The following ME1 variants were observed in gnomAD, a reference collection of about 807,000 sequenced individuals.
The protein encoded by ME1 is NADP-dependent malic enzyme.
ME1 carries 74 observed loss-of-function variants against 66.4 expected under a neutral mutation model. The observed-to-expected ratio is 1.11, with a 90% CI of 0.92 to 1.35. The LOEUF is 1.35. ME1 is among the 40% of genes most tolerant of loss of function. The probability of loss-of-function intolerance (pLI) is 0.00; values close to 1 mark genes in which losing one functional copy is unlikely to be tolerated. For missense variants in ME1, 750 were observed against 694.1 expected (o/e 1.08, Z -0.90); for synonymous variants, 251 against 235.6 (o/e 1.07, Z -0.60).
intron 7 of ME1, among the ~76,000 whole-genome samples, chr6:83,249,947 T>C (rs573472486): frequency 6.1e-4 from 93 of 152,304 alleles, no homozygotes; most frequent in African/African-American, 2.1e-3. Context: ...TTAGCTTTTA[T>C]CCCATTGTCT....
chr6:83,396,594 C>T (rs1335427874), intron 3 of ME1, among the ~76,000 whole-genome samples: 1 of 151,894 alleles, frequency 6.6e-6, no homozygotes, highest in Non-Finnish European at 1.5e-5. Flanking sequence ...GTTCCAATGA[C>T]ATTTTTTCAC....
chr6:83,234,692 C>T (rs1790365110), intron 9 of ME1, among the ~76,000 whole-genome samples: 1 of 152,082 alleles, frequency 6.6e-6, no homozygotes, highest in Non-Finnish European at 1.5e-5. Context: ...GTAACTAGTT[C>T]TTTTTCTCAG....
intron 3 of ME1, among the ~76,000 whole-genome samples, chr6:83,373,461 G>A (rs538811907): frequency 3.9e-5 from 6 of 152,074 alleles, no homozygotes; most frequent in East Asian, 1.9e-4. Context: ...CTCGAACTCC[G>A]CCCACCTCAG....
At chr6:83,356,748 G>GT (rs36084492) in intron 3 of ME1, among the ~76,000 whole-genome samples, 129 of 151,200 alleles carry the variant, frequency 8.5e-4, no homozygotes, top group African/African-American at 5.8e-4. Context: ...ACATAAAATT[G>GT]TTTTTTTTTC....
At chr6:83,357,982 G>C (rs1389098029) in intron 3 of ME1, among the ~76,000 whole-genome samples, 3 of 55,764 alleles carry the variant, frequency 5.4e-5, no homozygotes, top group African/African-American at 1.4e-4. Context: ...TATTTCATTA[G>C]TTCTGTCCCT....
At chr6:83,411,104 C>T (rs572894905) in intron 1 of ME1, among the ~76,000 whole-genome samples, 113 of 152,246 alleles carry the variant, frequency 7.4e-4, no homozygotes, top group Non-Finnish European at 1.4e-3. Context: ...ATGGGCCGGG[C>T]GTGGTGGCTC....
intron 9 of ME1, among the ~76,000 whole-genome samples, chr6:83,234,234 C>T (rs973959918): frequency 6.6e-6 from 1 of 152,138 alleles, no homozygotes; most frequent in African/African-American, 2.4e-5. Context: ...CATAGACTTC[C>T]ACTTTTTGGA....
intron 10 of ME1, 78 bp downstream of exon 10, chr6:83,228,748 A>G (rs2128524047): frequency 2.1e-6 from 2 of 941,940 alleles, no homozygotes; most frequent in Middle Eastern, 4.3e-4. Context: ...GCTAAATTAT[A>G]CCTCAAAAAT....
intron 3 of ME1, among the ~76,000 whole-genome samples, chr6:83,388,593 A>G (rs1769559521): frequency 6.6e-6 from 1 of 152,180 alleles, no homozygotes; most frequent in Admixed American, 6.5e-5. Flanking sequence ...AGACTCACAA[A>G]ATAGGTTATT....
chr6:83,329,455 C>G (rs1768363979), intron 5 of ME1, among the ~76,000 whole-genome samples: 1 of 152,244 alleles, frequency 6.6e-6, no homozygotes, highest in African/African-American at 2.4e-5. Context: ...ATTAACAGCA[C>G]CTCATCACAC....
chr6:83,414,210 A>T (rs1770116010), intron 1 of ME1, among the ~76,000 whole-genome samples: 1 of 151,960 alleles, frequency 6.6e-6, no homozygotes, highest in Non-Finnish European at 1.5e-5. Flanking sequence ...ATATGTATTT[A>T]CACGGTAAAG....
At chr6:83,393,888 A>G (rs1020199458) in intron 3 of ME1, among the ~76,000 whole-genome samples, 3 of 152,078 alleles carry the variant, frequency 2.0e-5, no homozygotes, top group Admixed American at 6.5e-5. Context: ...CCCTTCATCT[A>G]TAAGGAAAAT....
At chr6:83,355,366 T>A (rs187230967) in intron 3 of ME1, among the ~76,000 whole-genome samples, 1 of 152,238 alleles carries the variant, frequency 6.6e-6, no homozygotes, top group East Asian at 1.9e-4. Flanking sequence ...CAGGAACTTG[T>A]TAGTTAGCCA....
intron 5 of ME1, among the ~76,000 whole-genome samples, chr6:83,320,397 TCTTA>T (rs1768128578): frequency 6.6e-6 from 1 of 152,228 alleles, no homozygotes; most frequent in Non-Finnish European, 1.5e-5. Context: ...GGCCAATATA[TCTTA>T]CTTATAATGT....
chr6:83,231,712 T>C (rs1790309607), intron 9 of ME1, among the ~76,000 whole-genome samples: 1 of 152,144 alleles, frequency 6.6e-6, no homozygotes. Flanking sequence ...TGGAGATGAG[T>C]AGATGTCTTT....
chr6:83,215,453 T>C (rs1316982490), intron 13 of ME1, among the ~76,000 whole-genome samples: 2 of 152,206 alleles, frequency 1.3e-5, no homozygotes, highest in Non-Finnish European at 2.9e-5. Context: ...AATTTAAACA[T>C]ATAACTACTG....
rs540365870 is a variant in ME1, at chr6:83,351,884, T to C, written c.438+180A>G. ...ATAATAGGAAAACTTAGTATCTAAA[T>C]GGCATCAGAATAAAATTAACCCACT... On this transcript the variant is annotated intron_variant, in intron 4 of 13. Transcript: ENST00000369705. Among the ~76,000 whole-genome samples the C allele has an allele frequency of 7.2e-5, 11 of 152,270 alleles. No homozygotes were observed. In the South Asian group the frequency reaches 2.3e-3, roughly 32 times the overall value.
chr6:83,228,694 G>A, intron 10 of ME1, 132 bp downstream of exon 10: 1 of 653,710 alleles, frequency 1.5e-6, no homozygotes, highest in Non-Finnish European at 2.7e-6. Context: ...TCTCTACAGG[G>A]TACTGTCGCT....
chr6:83,314,850 C>A (rs1462172716), intron 6 of ME1, among the ~76,000 whole-genome samples: 1 of 152,140 alleles, frequency 6.6e-6, no homozygotes, highest in Admixed American at 6.6e-5. Context: ...GTGGACTGTA[C>A]CAACTCATGC....
Sources: allele counts gnomAD v4.1 joint callset (sites outside exome capture counted in the v4.1 genomes callset), GRCh38; gene constraint gnomAD v4.1.1; transcripts MANE v1.5; gene names NCBI Gene and HGNC (gene_info 2026-07-23, HGNC 2026-07-21).